The following CAMTA1 variants were observed in gnomAD, a reference collection of about 807,000 sequenced individuals.
CAMTA1 encodes calmodulin-binding transcription activator 1.
Under a neutral mutation model 170.9 loss-of-function variants are expected in CAMTA1, and 27 were observed. The ratio of observed to expected loss-of-function variants is 0.16; its 90% CI spans 0.12 to 0.22. The LOEUF (loss-of-function observed/expected upper bound fraction) is 0.22, where lower values mean the gene tolerates loss of function less well. Ranked by LOEUF, CAMTA1 falls within the 10% of genes least tolerant of loss-of-function variation. The pLI is 1.00. For synonymous variants in CAMTA1, 833 were observed against 891.5 expected, an observed-to-expected ratio of 0.93 and a Z score of 1.17; for missense variants, 1,619 against 2,217.2, an observed-to-expected ratio of 0.73 and a Z score of 5.42.
At chr1:7,723,710 T>TA (rs1236706796) in intron 11 of CAMTA1, among the ~76,000 whole-genome samples, 1 of 152,202 alleles carries the variant, frequency 6.6e-6, no homozygotes, top group Non-Finnish European at 1.5e-5. Context: ...TCACCTCTGA[T>TA]ACTCTTCCTA....
intron 3 of CAMTA1, among the ~76,000 whole-genome samples, chr1:6,967,126 A>G (rs1288784701): frequency 2.0e-5 from 3 of 151,854 alleles, no homozygotes; most frequent in Admixed American, 6.5e-5. Context: ...CTGTAGTCCC[A>G]GCTGCTTGGG....
At chr1:7,283,933 TG>T (rs1278902549) in intron 5 of CAMTA1, among the ~76,000 whole-genome samples, 1 of 152,150 alleles carries the variant, frequency 6.6e-6, no homozygotes, top group African/African-American at 2.4e-5. Flanking sequence ...GTGAGATTTG[TG>T]GCTCTCTGGT....
chr1:7,758,728 G>A (rs1305049485), intron 22 of CAMTA1, among the ~76,000 whole-genome samples: 2 of 152,134 alleles, frequency 1.3e-5, no homozygotes, highest in Non-Finnish European at 2.9e-5. Context: ...GAGGTCAGGA[G>A]ATCGAGACCA....
At chr1:7,744,630 G>T (rs1000115657) in intron 16 of CAMTA1, among the ~76,000 whole-genome samples, 12 of 152,160 alleles carry the variant, frequency 7.9e-5, no homozygotes, top group East Asian at 3.9e-4. Context: ...ACTATGACTT[G>T]GAGATAATCA....
chr1:7,661,129 T>C (rs1174473455), intron 7 of CAMTA1, among the ~76,000 whole-genome samples: 3 of 152,326 alleles, frequency 2.0e-5, no homozygotes, highest in Non-Finnish European at 4.4e-5. Context: ...CCAGGCCACG[T>C]GGGCCCTTCA....
intron 1 of CAMTA1, among the ~76,000 whole-genome samples, chr1:6,803,132 C>T (rs1377796289): frequency 6.6e-6 from 1 of 152,192 alleles, no homozygotes; most frequent in Non-Finnish European, 1.5e-5. Flanking sequence ...TGGGTGTTCT[C>T]AGGTGGAATC....
chr1:7,081,438 A>C (rs897928421), intron 3 of CAMTA1, among the ~76,000 whole-genome samples: 1 of 152,266 alleles, frequency 6.6e-6, no homozygotes, highest in East Asian at 1.9e-4. Context: ...CGACTGGAAC[A>C]ATATCAAAAT....
rs61274173 is a variant in CAMTA1 at position 7,480,827 on chromosome 1, G to C, written c.510+12926G>C. On this transcript the variant is annotated intron_variant, in intron 6 of 22. Transcript: ENST00000303635. ...CCAACTGTATGCTAGTGACTCCCAC[G>C]TTCATATCTATGTCCTGCCTCACTG... Among the ~76,000 whole-genome samples, 893 of 152,142 alleles carry C rather than the reference G, an allele frequency of 5.9e-3. 9 individuals carry two copies. Among genetic ancestry groups the C allele is most frequent in the African/African-American group, 0.02 (827 of 41,506 alleles).
chr1:7,459,375 G>A (rs991327886), intron 5 of CAMTA1, among the ~76,000 whole-genome samples: 6 of 152,118 alleles, frequency 3.9e-5, no homozygotes, highest in Admixed American at 1.3e-4. Flanking sequence ...CAGGATCTGC[G>A]TCTGCGTTCA....
intron 11 of CAMTA1, among the ~76,000 whole-genome samples, chr1:7,689,494 G>A (rs2004543): frequency 0.46 from 70,374 of 151,666 alleles, 16,420 homozygotes; most frequent in East Asian, 0.65. Flanking sequence ...CAGGAGGATC[G>A]CTTGAGCCCT....
intron 11 of CAMTA1, among the ~76,000 whole-genome samples, chr1:7,702,488 G>T (rs1577014337): frequency 6.6e-6 from 1 of 152,112 alleles, no homozygotes. Context: ...ACAGAGGCAG[G>T]CGCTGTCTCT....
chr1:7,314,517 A>G (rs534503317), intron 5 of CAMTA1, among the ~76,000 whole-genome samples: 1 of 152,316 alleles, frequency 6.6e-6, no homozygotes, highest in South Asian at 2.1e-4. Context: ...TGCCATCTCC[A>G]GTCCAGGCAT....
At chr1:7,142,499 C>T (rs574777278) in intron 4 of CAMTA1, among the ~76,000 whole-genome samples, 22 of 152,328 alleles carry the variant, frequency 1.4e-4, no homozygotes, top group African/African-American at 5.1e-4. Context: ...AAACCTGTTA[C>T]AATGGGATCC....
chr1:7,551,983 A>G (rs1205927122), intron 6 of CAMTA1, among the ~76,000 whole-genome samples: 1 of 152,202 alleles, frequency 6.6e-6, no homozygotes, highest in Non-Finnish European at 1.5e-5. Context: ...CTCTCATTTA[A>G]TCCTCACCAG....
intron 1 of CAMTA1, among the ~76,000 whole-genome samples, chr1:6,785,800 A>C (rs1203593382): frequency 1.4e-5 from 1 of 70,178 alleles, no homozygotes. Context: ...CCCACACCCC[A>C]CCCCCGGGGG....
intron 4 of CAMTA1, among the ~76,000 whole-genome samples, chr1:7,117,162 G>A (rs917197410): frequency 1.3e-5 from 2 of 151,504 alleles, no homozygotes; most frequent in African/African-American, 4.9e-5. Flanking sequence ...GTACAGATGG[G>A]GTTTCGCCAT....
intron 5 of CAMTA1, among the ~76,000 whole-genome samples, chr1:7,298,826 C>G (rs1266518152): frequency 6.6e-6 from 1 of 152,218 alleles, no homozygotes; most frequent in Non-Finnish European, 1.5e-5. Context: ...GTGGGTGAGT[C>G]AGTCCCTAAT....
At chr1:7,324,685 A>C (rs1351756694) in intron 5 of CAMTA1, among the ~76,000 whole-genome samples, 1 of 151,906 alleles carries the variant, frequency 6.6e-6, no homozygotes, top group Non-Finnish European at 1.5e-5. Flanking sequence ...GCAGGTGCCT[A>C]TAATCCCAGC....
At chr1:7,702,588 G>A (rs2096453682) in intron 11 of CAMTA1, among the ~76,000 whole-genome samples, 1 of 152,118 alleles carries the variant, frequency 6.6e-6, no homozygotes, top group African/African-American at 2.4e-5. Flanking sequence ...AGCGTGCCCC[G>A]CCAGCACTGT....
Sources: allele counts gnomAD v4.1 joint callset (sites outside exome capture counted in the v4.1 genomes callset), GRCh38; gene constraint gnomAD v4.1.1; transcripts MANE v1.5; gene names NCBI Gene and HGNC (gene_info 2026-07-23, HGNC 2026-07-21).